EDAR: variants seen among roughly 807,000 people sequenced by gnomAD.
The protein encoded by EDAR is ectodysplasin A receptor, also known as tumor necrosis factor receptor superfamily member EDAR.
Under a neutral mutation model 51.3 loss-of-function variants are expected in EDAR, and 38 were observed. The ratio of observed to expected loss-of-function variants is 0.74; its 90% CI spans 0.57 to 0.97. EDAR has a LOEUF of 0.97. Among genes scored for constraint, EDAR ranks in the 50% least tolerant of loss-of-function variants. The pLI is 0.00. For missense variants in EDAR, 528 were observed against 595.0 expected (o/e 0.89, Z 1.17); for synonymous variants, 227 against 242.1 (o/e 0.94, Z 0.58).
At chr2:108,957,684 C>A (rs1697952365) in intron 1 of EDAR, among the ~76,000 whole-genome samples, 1 of 152,274 alleles carries the variant, frequency 6.6e-6, no homozygotes, top group Non-Finnish European at 1.5e-5. Context: ...GATGTCCAAA[C>A]CCCATCCTTC....
chr2:108,904,979 G>A (rs1696773774), intron 11 of EDAR, among the ~76,000 whole-genome samples: 1 of 152,098 alleles, frequency 6.6e-6, no homozygotes, highest in Non-Finnish European at 1.5e-5. Context: ...GGGCATGTAG[G>A]ATCTCTCTGT....
intron 11 of EDAR, among the ~76,000 whole-genome samples, chr2:108,902,349 C>G (rs1212039550): frequency 6.6e-6 from 1 of 152,154 alleles, no homozygotes; most frequent in Non-Finnish European, 1.5e-5. Flanking sequence ...GCACTCCAGC[C>G]TGGGTGACAT....
chr2:108,964,993 A>G (rs1467376093), intron 1 of EDAR, among the ~76,000 whole-genome samples: 2 of 152,190 alleles, frequency 1.3e-5, no homozygotes, highest in Admixed American at 6.5e-5. Context: ...ACTCTCTTCA[A>G]TAGCACAACC....
At chr2:108,952,287 T>C (rs1697840697) in intron 1 of EDAR, among the ~76,000 whole-genome samples, 1 of 152,218 alleles carries the variant, frequency 6.6e-6, no homozygotes, top group Non-Finnish European at 1.5e-5. Context: ...TGAAGGGGAC[T>C]GGGAGATTGG....
chr2:108,975,797 G>A (rs1415179601), intron 1 of EDAR, among the ~76,000 whole-genome samples: 1 of 152,174 alleles, frequency 6.6e-6, no homozygotes, highest in Admixed American at 6.5e-5. Flanking sequence ...GCATCAGGAT[G>A]TCTTGTGGTC....
At chr2:108,939,997 C>T (rs1035262814) in intron 1 of EDAR, among the ~76,000 whole-genome samples, 7 of 152,208 alleles carry the variant, frequency 4.6e-5, no homozygotes, top group South Asian at 2.1e-4. Context: ...AAAACAAGAA[C>T]GTAATCCTTA....
chr2:108,897,855 C>A (rs557910617), intron 11 of EDAR, among the ~76,000 whole-genome samples: 1 of 152,310 alleles, frequency 6.6e-6, no homozygotes, highest in East Asian at 1.9e-4. Flanking sequence ...CCTGGACATT[C>A]TGTGTAAAAC....
intron 11 of EDAR, among the ~76,000 whole-genome samples, chr2:108,902,539 G>C (rs1201257494): frequency 6.6e-6 from 1 of 152,104 alleles, no homozygotes; most frequent in African/African-American, 2.4e-5. Context: ...TATTCTATGA[G>C]GGTAGTATAA....
At chr2:108,976,370 C>T (rs1698322436) in intron 1 of EDAR, among the ~76,000 whole-genome samples, 1 of 152,200 alleles carries the variant, frequency 6.6e-6, no homozygotes, top group African/African-American at 2.4e-5. Flanking sequence ...GTGCCATTCT[C>T]ATCACATGAA....
chr2:108,921,237 A>G (rs1471544380), intron 5 of EDAR, among the ~76,000 whole-genome samples: 1 of 152,098 alleles, frequency 6.6e-6, no homozygotes, highest in African/African-American at 2.4e-5. Flanking sequence ...GGGCACTCCT[A>G]GGCTGGGGAG....
chr2:108,941,028 G>A (rs1393021963), intron 1 of EDAR, among the ~76,000 whole-genome samples: 5 of 152,080 alleles, frequency 3.3e-5, no homozygotes, highest in Admixed American at 3.3e-4. Context: ...TCTGCCCCAC[G>A]CTGGGCTGTC....
At chr2:108,939,496 C>T (rs1697547599) in intron 1 of EDAR, among the ~76,000 whole-genome samples, 2 of 152,090 alleles carry the variant, frequency 1.3e-5, no homozygotes, top group African/African-American at 4.8e-5. Context: ...GTCAGGAGGA[C>T]TGTCCCAAGT....
At chr2:108,974,711 C>G (rs1005886994) in intron 1 of EDAR, among the ~76,000 whole-genome samples, 1 of 151,710 alleles carries the variant, frequency 6.6e-6, no homozygotes, top group Non-Finnish European at 1.5e-5. Context: ...CCCTGGGTGA[C>G]AGAGCAAGAC....
intron 1 of EDAR, among the ~76,000 whole-genome samples, chr2:108,971,438 T>C (rs1698231701): frequency 6.6e-6 from 1 of 151,934 alleles, no homozygotes; most frequent in African/African-American, 2.4e-5. Flanking sequence ...AGATTATGAC[T>C]CCAGAAGGAG....
intron 1 of EDAR, among the ~76,000 whole-genome samples, chr2:108,974,126 G>A (rs1001101398): frequency 1.3e-5 from 2 of 151,590 alleles, no homozygotes; most frequent in Non-Finnish European, 2.9e-5. Flanking sequence ...TCAGGAGATC[G>A]AGACCATCCT....
chr2:108,916,759 T>C (rs141241748), intron 5 of EDAR, among the ~76,000 whole-genome samples: 1 of 152,218 alleles, frequency 6.6e-6, no homozygotes, highest in African/African-American at 2.4e-5. Flanking sequence ...TCTCCAGAGC[T>C]CAGCCTCTCG....
At chr2:108,949,792 G>A (rs1172420912) in intron 1 of EDAR, among the ~76,000 whole-genome samples, 1 of 152,180 alleles carries the variant, frequency 6.6e-6, no homozygotes, top group Non-Finnish European at 1.5e-5. Flanking sequence ...TTAAGATGAT[G>A]AGGTATGTAG....
intron 11 of EDAR, among the ~76,000 whole-genome samples, chr2:108,904,395 G>A (rs1216077036): frequency 2.0e-5 from 3 of 152,152 alleles, no homozygotes; most frequent in East Asian, 1.9e-4. Context: ...TTTAGAAAAC[G>A]GTTTGGCAGT....
At chr2:108,963,535 A>G (rs1698093649) in intron 1 of EDAR, among the ~76,000 whole-genome samples, 2 of 152,218 alleles carry the variant, frequency 1.3e-5, no homozygotes, top group South Asian at 4.1e-4. Flanking sequence ...TTCGTCTGGT[A>G]AAATTACAGG....
Sources: gnomAD v4.1 joint callset for allele counts (sites outside exome capture counted in the v4.1 genomes callset) on GRCh38, gnomAD v4.1.1 for gene constraint, MANE v1.5 for transcripts, NCBI Gene and HGNC (gene_info 2026-07-23, HGNC 2026-07-21) for gene names.